The following SLC26A8 variants were observed in gnomAD, a reference collection of about 807,000 sequenced individuals.
The protein encoded by SLC26A8 is solute carrier family 26 member 8.
In SLC26A8, 70 loss-of-function variants were observed where a neutral mutation model predicts 105.0. That is an observed-to-expected ratio of 0.67 (90% CI 0.55 to 0.81). SLC26A8 has a LOEUF of 0.81. SLC26A8 is among the 40% of genes least tolerant of loss of function. The pLI is 0.00. For missense variants in SLC26A8, 998 were observed against 1,181.8 expected (o/e 0.84, Z 2.28); for synonymous variants, 415 against 438.3 (o/e 0.95, Z 0.66).
chr6:36,012,115 G>A lies in SLC26A8; in HGVS notation c.328+118C>T, dbSNP rs534814359. ...AGATAAGGGAACAAATGGTAATGCT[G>A]TGAATAAAATTCAATATTTTTTTTC... On this transcript the variant is annotated intron_variant, in intron 3 of 19. Coordinates refer to ENST00000490799, the MANE Select transcript of SLC26A8 (RefSeq NM_052961.4). The A allele has an allele frequency of 7.3e-6, 10 of 1,364,656 alleles. No individual in the cohort carries two copies. The East Asian group carries it at 1.9e-4, about 26-fold the overall frequency. 84.5% of individuals were successfully genotyped at this position (1,364,656 alleles called of 1,614,324 possible).
intron 1 of SLC26A8, among the ~76,000 whole-genome samples, chr6:36,020,970 C>T (rs918291267): frequency 4.6e-5 from 7 of 152,178 alleles, no homozygotes; most frequent in Non-Finnish European, 1.0e-4. Context: ...GGCATTTATC[C>T]TATGCCATGC....
At chr6:35,975,684 C>T (rs929000757) in intron 9 of SLC26A8, among the ~76,000 whole-genome samples, 196 bp from the exon 10 acceptor site, 1 of 152,008 alleles carries the variant, frequency 6.6e-6, no homozygotes. Flanking sequence ...GAGGCTGAGG[C>T]TGGTGGATCA....
At chr6:36,012,065 AC>A (rs1761873932) in intron 3 of SLC26A8, among the ~76,000 whole-genome samples, 167 bp downstream of exon 3, 1 of 152,232 alleles carries the variant, frequency 6.6e-6, no homozygotes, top group African/African-American at 2.4e-5. Context: ...TTTTGGAACC[AC>A]CCTGGAGAGG....
chr6:36,023,998 G>T (rs189199493), intron 1 of SLC26A8, among the ~76,000 whole-genome samples: 105 of 152,074 alleles, frequency 6.9e-4, no homozygotes, highest in African/African-American at 2.4e-3. Flanking sequence ...GCTCATTATT[G>T]GGGTGGGGGT....
At chr6:35,970,604 G>GA (rs1160686563) in intron 10 of SLC26A8, among the ~76,000 whole-genome samples, 1 of 152,162 alleles carries the variant, frequency 6.6e-6, no homozygotes, top group African/African-American at 2.4e-5. Context: ...TGATGTTATA[G>GA]AAAAAACTAT....
intron 6 of SLC26A8, 137 bp from the exon 7 acceptor site, chr6:35,991,945 T>C (rs1761179186): frequency 3.7e-6 from 3 of 818,526 alleles, no homozygotes; most frequent in African/African-American, 1.8e-5. Context: ...TGGGTATTAC[T>C]AGAACAGTGA....
rs914779823 is a variant in SLC26A8, at chr6:35,991,664, A to G, written c.937T>C (p.Phe313Leu). The change falls in exon 7 of 20, where the codon TTT (phenylalanine) becomes CTT (leucine). Residue 313 changes from phenylalanine to leucine, a missense_variant. Physicochemically the swap from Phe to Leu is conservative, Grantham distance 22. Coordinates refer to ENST00000490799, the MANE Select transcript of SLC26A8 (RefSeq NM_052961.4). Reference sequence around the variant, plus strand: ...GAGACATCAAAAACACCTACCAGAAATAATTCCATGGGAAACTCAATGGGA... The same window carrying G: ...GAGACATCAAAAACACCTACCAGAAGTAATTCCATGGGAAACTCAATGGGA... ...QYPIEFPMEL[F>L]LIIGFTVIAN... The G allele has an allele frequency of 6.4e-7, 1 of 1,561,788 alleles. No individual in the cohort carries two copies. The highest frequency in any genetic ancestry group is 8.6e-7 in the Non-Finnish European group (1 of 1,158,268).
chr6:35,964,455 T>C (rs1772424579), intron 11 of SLC26A8, among the ~76,000 whole-genome samples: 1 of 152,082 alleles, frequency 6.6e-6, no homozygotes, highest in African/African-American at 2.4e-5. Context: ...CAGACAAATT[T>C]AGCCCATGTG....
chr6:35,959,323 T>A (rs1257923758), intron 16 of SLC26A8, 137 bp downstream of exon 16: 1 of 960,604 alleles, frequency 1.0e-6, no homozygotes, highest in African/African-American at 1.7e-5. Flanking sequence ...GAACCTTGTA[T>A]CTTAATTTCT....
At chr6:35,988,374 C>T (rs1365761652) in intron 7 of SLC26A8, among the ~76,000 whole-genome samples, 3 of 152,282 alleles carry the variant, frequency 2.0e-5, no homozygotes, top group East Asian at 3.9e-4. Flanking sequence ...TGGCTCATGC[C>T]TGTAATCCTG....
chr6:35,970,974 C>A (rs1772775986), intron 10 of SLC26A8, among the ~76,000 whole-genome samples: 1 of 152,022 alleles, frequency 6.6e-6, no homozygotes, highest in Non-Finnish European at 1.5e-5. Context: ...GTTGCAGAGC[C>A]AAGACCTCGC....
intron 16 of SLC26A8, among the ~76,000 whole-genome samples, chr6:35,956,384 C>T (rs1463761708): frequency 2.1e-5 from 3 of 143,330 alleles, no homozygotes; most frequent in African/African-American, 7.8e-5. Context: ...GCTGTGACCA[C>T]ACCACCACAC....
intron 8 of SLC26A8, among the ~76,000 whole-genome samples, chr6:35,977,842 T>C (rs1043074539): frequency 1.1e-4 from 16 of 152,142 alleles, no homozygotes; most frequent in Non-Finnish European, 1.9e-4. Context: ...CCCAGCACTT[T>C]GGGAGGCCGA....
rs772758273 is a variant in SLC26A8 at position 35,991,798 on chromosome 6, T to C, written c.803A>G (p.Asn268Ser). 16 of 1,590,408 alleles carry C rather than the reference T, an allele frequency of 1.0e-5. 1 individual carries two copies. In the South Asian group the frequency reaches 1.7e-4, roughly 17 times the overall value. Residue 268 changes from asparagine (N) to serine (S), a missense_variant, in exon 7 of 20, where the codon AAT becomes AGT. Coordinates refer to ENST00000490799, the MANE Select transcript of SLC26A8 (RefSeq NM_052961.4). Reference protein sequence around the residue: ...GPISFFYDIINYCVALPKANS... With the variant: ...GPISFFYDIISYCVALPKANS... ...CGCTTTTGGGAGAGCTACACAGTAATTAATTATGTCCTGAAAGAAAATAAA... is the reference window on the plus strand; with the variant it reads ...CGCTTTTGGGAGAGCTACACAGTAACTAATTATGTCCTGAAAGAAAATAAA...
chr6:36,000,011 C>A lies in SLC26A8; in HGVS notation c.426G>T (p.Ser142=), dbSNP rs746772285. The change falls in exon 4 of 20, where the codon TCG becomes TCT. Residue 142 remains serine (S), a synonymous_variant. Coordinates refer to ENST00000490799, the MANE Select transcript of SLC26A8 (RefSeq NM_052961.4). Reference sequence around the variant, plus strand: ...ACTCACCAATGGACATTTGATGACACGATCCAAAAATTACATAGATTACCG... The same window carrying A: ...ACTCACCAATGGACATTTGATGACAAGATCCAAAAATTACATAGATTACCG... ...CSSVIYVIFG[S]CHQMSIGSFF... 25 of 1,613,200 alleles carry A rather than the reference C, an allele frequency of 1.5e-5. No homozygotes were observed. Among genetic ancestry groups the A allele is most frequent in the Non-Finnish European group, 2.1e-5 (25 of 1,179,386 alleles).
intron 17 of SLC26A8, chr6:35,954,944 CAAAAAAG>C (rs569393095): frequency 0.017 from 9,869 of 564,504 alleles, 114 homozygotes; most frequent in Non-Finnish European, 0.023. Flanking sequence ...GGCTCCATCT[CAAAAAAG>C]AAAAAAGAAA....
Position 35,981,941 on chromosome 6 carries a change from A to T in SLC26A8, c.1025+180T>A, listed in dbSNP as rs543202588. Among the ~76,000 whole-genome samples the T allele has an allele frequency of 2.6e-5, 4 of 152,346 alleles. No individual in the cohort carries two copies. Among genetic ancestry groups the T allele is most frequent in the African/African-American group, 9.6e-5 (4 of 41,590 alleles). On this transcript the variant is annotated intron_variant, in intron 8 of 19. Transcript: ENST00000490799. This position sits in a 1 kb window ranked among gnomAD's most constrained non-coding sequence, Gnocchi z 4.0. ...ACTATGAGAAGAGAGACAGAGGCTG[A>T]CCAGAGAAGACACAAGGAGTTGTCC...
chr6:35,997,025 A>G, intron 5 of SLC26A8, among the ~76,000 whole-genome samples: 1 of 151,866 alleles, frequency 6.6e-6, no homozygotes. Context: ...ACAAGAGCAA[A>G]ACTCCATCTA....
At chr6:35,993,589 A>C (rs1761255328) in intron 5 of SLC26A8, among the ~76,000 whole-genome samples, 1 of 152,188 alleles carries the variant, frequency 6.6e-6, no homozygotes, top group Non-Finnish European at 1.5e-5. Flanking sequence ...TATATAATAA[A>C]ATTTTATACA....
Sources: allele counts gnomAD v4.1 joint callset (sites outside exome capture counted in the v4.1 genomes callset), GRCh38; gene constraint gnomAD v4.1.1; non-coding constraint Gnocchi (gnomAD v3.1); transcripts MANE v1.5; gene names NCBI Gene and HGNC (gene_info 2026-07-23, HGNC 2026-07-21).